The following ATP2B2 variants were observed in gnomAD, a reference collection of about 807,000 sequenced individuals.
The protein encoded by ATP2B2 is ATPase plasma membrane Ca2+ transporting 2.
ATP2B2 carries 15 observed loss-of-function variants against 120.0 expected under a neutral mutation model. The ratio of observed to expected loss-of-function variants is 0.12; its 90% CI spans 0.08 to 0.19. ATP2B2 has a LOEUF of 0.19. Ranked by LOEUF, ATP2B2 falls within the 10% of genes least tolerant of loss-of-function variation. The pLI is 1.00. For synonymous variants in ATP2B2, 694 were observed against 700.3 expected (o/e 0.99, Z 0.14); for missense variants, 1,045 against 1,719.8 (o/e 0.61, Z 6.94).
At chr3:10,489,592 T>G (rs2065858604) in intron 1 of ATP2B2, among the ~76,000 whole-genome samples, 1 of 152,174 alleles carries the variant, frequency 6.6e-6, no homozygotes, top group African/African-American at 2.4e-5. Context: ...TCTCTGTCCC[T>G]TTCTGAATGC....
intron 1 of ATP2B2, among the ~76,000 whole-genome samples, chr3:10,680,693 C>T (rs1021133538): frequency 2.6e-5 from 4 of 152,122 alleles, no homozygotes; most frequent in Non-Finnish European, 5.9e-5. Context: ...TTAATAGAAA[C>T]CTTTTACACA....
intron 1 of ATP2B2, among the ~76,000 whole-genome samples, chr3:10,488,503 C>CT (rs2065811176): frequency 2.6e-5 from 2 of 77,478 alleles, no homozygotes; most frequent in Admixed American, 2.3e-4. Context: ...TCCTTCCTTC[C>CT]TTCGTTCCTT....
chr3:10,657,543 C>T (rs1414200415), intron 1 of ATP2B2, among the ~76,000 whole-genome samples: 4 of 152,208 alleles, frequency 2.6e-5, no homozygotes, highest in Non-Finnish European at 4.4e-5. Flanking sequence ...GGCAGCGAGG[C>T]TTGGGGAGGG....
intron 1 of ATP2B2, among the ~76,000 whole-genome samples, chr3:10,479,772 G>A (rs1009365766): frequency 2.6e-5 from 4 of 152,134 alleles, no homozygotes; most frequent in Admixed American, 2.6e-4. Context: ...AAGAGAGAGA[G>A]GGAGGAAAGG....
At chr3:10,624,685 G>GGAAT (rs1320960269) in intron 1 of ATP2B2, among the ~76,000 whole-genome samples, 1 of 152,168 alleles carries the variant, frequency 6.6e-6, no homozygotes, top group African/African-American at 2.4e-5. Flanking sequence ...CAGCCCTGGT[G>GGAAT]GAATGAATGA....
chr3:10,655,411 G>T (rs2070593320), intron 1 of ATP2B2, among the ~76,000 whole-genome samples: 2 of 152,238 alleles, frequency 1.3e-5, no homozygotes, highest in Admixed American at 6.5e-5. Flanking sequence ...AATCCCCCAG[G>T]TTGGGACCAA....
intron 1 of ATP2B2, chr3:10,626,228 ACAC>A (rs1272535425): frequency 6.6e-6 from 1 of 152,228 alleles, no homozygotes; most frequent in Non-Finnish European, 1.5e-5. Flanking sequence ...CCAAGCACAC[ACAC>A]CTCGTTATAA....
intron 21 of ATP2B2, among the ~76,000 whole-genome samples, chr3:10,339,246 G>A (rs2060210606): frequency 6.6e-6 from 1 of 152,222 alleles, no homozygotes; most frequent in Admixed American, 6.5e-5. Flanking sequence ...GGGTGCCCAG[G>A]GGTTTATCAC....
intron 1 of ATP2B2, among the ~76,000 whole-genome samples, chr3:10,472,095 A>G (rs1284301336): frequency 6.6e-6 from 1 of 151,642 alleles, no homozygotes; most frequent in African/African-American, 2.4e-5. Flanking sequence ...AAAAAAAAAA[A>G]AAAAAAGAGA....
Position 10,429,658 on chromosome 3 carries a change from A to G in ATP2B2, c.200-18843T>C, listed in dbSNP as rs137992570. On this transcript the variant is annotated intron_variant, in intron 2 of 22. Transcript: ENST00000360273. Reference sequence around the variant, plus strand: ...AACAATACTGAAGTTTGACCAATTAATAACTCTACCATGGCCTCCAAATCA... The same window carrying G: ...AACAATACTGAAGTTTGACCAATTAGTAACTCTACCATGGCCTCCAAATCA... Among the ~76,000 whole-genome samples, 311 of 152,300 alleles carry G rather than the reference A, an allele frequency of 2.0e-3. 1 individual carries two copies. The highest frequency in any genetic ancestry group is 3.7e-3 in the Non-Finnish European group (251 of 68,032).
intron 1 of ATP2B2, among the ~76,000 whole-genome samples, chr3:10,489,972 C>T (rs2065872695): frequency 6.6e-6 from 1 of 152,252 alleles, no homozygotes; most frequent in Non-Finnish European, 1.5e-5. Context: ...TGGTGGTGGC[C>T]TCAGTGCCTG....
At chr3:10,366,161 C>A (rs556403403) in intron 12 of ATP2B2, among the ~76,000 whole-genome samples, 2 of 152,238 alleles carry the variant, frequency 1.3e-5, no homozygotes, top group South Asian at 4.1e-4. Flanking sequence ...CTTAGGGGGA[C>A]TTTGAGGCTC....
At chr3:10,520,548 C>T (rs1299847076) in intron 3 of ATP2B2, among the ~76,000 whole-genome samples, 1 of 152,178 alleles carries the variant, frequency 6.6e-6, no homozygotes, top group East Asian at 1.9e-4. Flanking sequence ...CGGCTCACTG[C>T]AACCTCCACC....
intron 2 of ATP2B2, among the ~76,000 whole-genome samples, chr3:10,555,178 C>T (rs1222386021): frequency 6.6e-6 from 1 of 152,236 alleles, no homozygotes; most frequent in Admixed American, 6.5e-5. Flanking sequence ...AATGTGAGCA[C>T]ACAGTAGGTG....
chr3:10,690,480 A>ATC (rs1559523423), intron 1 of ATP2B2, among the ~76,000 whole-genome samples: 24 of 138,762 alleles, frequency 1.7e-4, no homozygotes, highest in South Asian at 7.1e-4. Flanking sequence ...ATCTATCTAT[A>ATC]TATCTCCTTC....
chr3:10,628,287 A>G (rs2069763533), intron 1 of ATP2B2, among the ~76,000 whole-genome samples: 1 of 151,976 alleles, frequency 6.6e-6, no homozygotes, highest in South Asian at 2.1e-4. Context: ...GAGTGGATGC[A>G]GGACTCCCAG....
At chr3:10,355,662 T>A (rs1421848463) in intron 14 of ATP2B2, among the ~76,000 whole-genome samples, 1 of 152,222 alleles carries the variant, frequency 6.6e-6, no homozygotes, top group Non-Finnish European at 1.5e-5. Context: ...AGCTAACTTC[T>A]CTGGATGACC....
chr3:10,414,773 C>T (rs1160245542), intron 2 of ATP2B2, among the ~76,000 whole-genome samples: 2 of 152,166 alleles, frequency 1.3e-5, no homozygotes, highest in Non-Finnish European at 2.9e-5. Context: ...TTCTCTGTCC[C>T]TCCCTCCCTC....
chr3:10,569,636 G>A (rs35476046), intron 2 of ATP2B2, among the ~76,000 whole-genome samples: 7,385 of 152,256 alleles, frequency 0.049, 346 homozygotes, highest in East Asian at 0.27. Flanking sequence ...CAGGGAGTCA[G>A]TTCAAGGAAG....
Sources: allele counts gnomAD v4.1 joint callset (sites outside exome capture counted in the v4.1 genomes callset), GRCh38; gene constraint gnomAD v4.1.1; transcripts MANE v1.5; gene names NCBI Gene and HGNC (gene_info 2026-07-23, HGNC 2026-07-21).